CSGALNACT2: variants seen among roughly 807,000 people sequenced by gnomAD.
CSGALNACT2 encodes the protein beta 4 GalNAcT-2.
Under a neutral mutation model 55.3 loss-of-function variants are expected in CSGALNACT2, and 35 were observed. The observed-to-expected ratio is 0.63, with a 90% CI of 0.48 to 0.84. The LOEUF (loss-of-function observed/expected upper bound fraction) is 0.84. Among genes scored for constraint, CSGALNACT2 ranks in the 40% least tolerant of loss-of-function variants. The probability of loss-of-function intolerance (pLI) is 0.00; values close to 1 mark genes in which losing one functional copy is unlikely to be tolerated. For missense variants in CSGALNACT2, 544 were observed against 657.5 expected (o/e 0.83, Z 1.89); for synonymous variants, 196 against 224.9 (o/e 0.87, Z 1.15).
In CSGALNACT2 at chr10:43,155,249, T is replaced by C. The variant is rs549097243; in HGVS notation, c.100T>C (p.Cys34Arg). 8.1e-6 allele frequency: 13 copies of C among 1,614,174 alleles called. No homozygotes were observed. In the African/African-American group the frequency reaches 1.6e-4, roughly 20 times the overall value. ...SLVLFMYLLE[C>R]APQTDGNASL... is the part of the protein sequence containing the mutation. ...GGTATTATTTATGTACCTCCTGGAA[T>C]GTGCCCCCCAGACTGATGGAAATGC... The change falls in exon 2 of 8, where the codon TGT becomes CGT. Residue 34 changes from cysteine to arginine, a missense_variant. Transcript: ENST00000374466.
intron 1 of CSGALNACT2, among the ~76,000 whole-genome samples, chr10:43,142,708 T>C (rs1476408856): frequency 6.6e-6 from 1 of 152,210 alleles, no homozygotes; most frequent in African/African-American, 2.4e-5. Context: ...GATTCCTGGT[T>C]TAGAGGTCAG....
At chr10:43,163,127 G>T in intron 4 of CSGALNACT2, 1 of 985,276 alleles carries the variant, frequency 1.0e-6, no homozygotes, top group Non-Finnish European at 1.2e-6. Context: ...TATTTTGAAT[G>T]ACCTTTACAC....
intron 3 of CSGALNACT2, 70 bp downstream of exon 3, chr10:43,159,001 A>T (rs2133120056): frequency 1.2e-6 from 1 of 861,666 alleles, no homozygotes; most frequent in South Asian, 1.5e-5. Flanking sequence ...AGATTTCCTT[A>T]ATTTATCTTC....
chr10:43,140,755 G>A (rs1838603536), intron 1 of CSGALNACT2, among the ~76,000 whole-genome samples: 1 of 152,254 alleles, frequency 6.6e-6, no homozygotes, highest in South Asian at 2.1e-4. Context: ...CTAGGTATAA[G>A]TGTAAAATTG....
chr10:43,139,125 C>G (rs1399278205), intron 1 of CSGALNACT2, among the ~76,000 whole-genome samples: 1 of 152,202 alleles, frequency 6.6e-6, no homozygotes, highest in Non-Finnish European at 1.5e-5. Flanking sequence ...TGAAGCTTCT[C>G]TTCCTGAGTC....
At position 43,163,902 on chromosome 10, in the gene CSGALNACT2, G is replaced by T; in HGVS notation, c.1017G>T (p.Leu339Phe). The T allele has an allele frequency of 6.2e-7, 1 of 1,614,102 alleles. No individual in the cohort carries two copies. Among genetic ancestry groups the T allele is most frequent in the Middle Eastern group, 1.7e-4 (1 of 6,060 alleles). ...TTCACAATTACACCTTGGTCTCATT[G>T]AATGAAGAATTTAATCGTGGACGAG... is the stretch of plus-strand genomic sequence containing the variant. ...SNFHNYTLVS[L>F]NEEFNRGRGL... The change falls in exon 5 of 8, where the codon TTG (leucine) becomes TTT (phenylalanine). Residue 339 changes from leucine to phenylalanine, a missense_variant. By Grantham distance (22) the Leu-to-Phe change is conservative (BLOSUM62 0). This residue lies in a region of CSGALNACT2 where 374 missense variants were observed against 401.3 expected (regional missense o/e 0.93). Transcript: ENST00000374466.
intron 1 of CSGALNACT2, among the ~76,000 whole-genome samples, chr10:43,143,501 G>A (rs372737993): frequency 7.7e-6 from 1 of 130,702 alleles, no homozygotes; most frequent in Non-Finnish European, 1.7e-5. Flanking sequence ...AAATGTGTGT[G>A]TGTGTGTGTG....
intron 1 of CSGALNACT2, among the ~76,000 whole-genome samples, chr10:43,148,465 G>T (rs1838807344): frequency 6.6e-6 from 1 of 152,154 alleles, no homozygotes; most frequent in Non-Finnish European, 1.5e-5. Context: ...TGTTTAATCT[G>T]TACATTAATT....
chr10:43,175,884 A>T (rs1839470436), intron 6 of CSGALNACT2, 67 bp from the exon 7 acceptor site: 1 of 1,365,212 alleles, frequency 7.3e-7, no homozygotes, highest in Admixed American at 2.0e-5. Context: ...AATTTGTTTC[A>T]TCGTTGATTA....
intron 1 of CSGALNACT2, among the ~76,000 whole-genome samples, chr10:43,147,589 G>T (rs571712774): frequency 8.6e-4 from 131 of 152,066 alleles, no homozygotes; most frequent in African/African-American, 2.8e-3. Flanking sequence ...CTTGCTTTTG[G>T]TTTTTTTCCA....
intron 1 of CSGALNACT2, among the ~76,000 whole-genome samples, chr10:43,140,348 T>G (rs1312288325): frequency 6.6e-6 from 1 of 152,052 alleles, no homozygotes; most frequent in Non-Finnish European, 1.5e-5. Context: ...GGCAGAAAAT[T>G]TAACCAACAT....
Position 43,155,765 on chromosome 10 carries a change from C to G in CSGALNACT2, c.616C>G (p.Pro206Ala). The change falls in exon 2 of 8, where the codon CCC becomes GCC. Residue 206 changes from proline (P) to alanine (A), a missense_variant. Pro to Ala is a conservative substitution (Grantham distance 27). This residue lies in a region of CSGALNACT2 where 374 missense variants were observed against 401.3 expected (regional missense o/e 0.93). Coordinates refer to ENST00000374466, the MANE Select transcript of CSGALNACT2 (RefSeq NM_018590.5). ...TGATGAACAAGAAGATGAGGAGGGT[C>G]CCCTTGGAGAGAAACTGATATTTAA... ...EDDEQEDEEG[P>A]LGEKLIFNEN... The G allele has an allele frequency of 6.2e-7, 1 of 1,612,204 alleles. No homozygotes were observed. Among genetic ancestry groups the G allele is most frequent in the Non-Finnish European group, 8.5e-7 (1 of 1,179,342 alleles).
intron 7 of CSGALNACT2, among the ~76,000 whole-genome samples, chr10:43,179,248 G>A (rs1409229090): frequency 2.8e-5 from 4 of 145,338 alleles, no homozygotes; most frequent in African/African-American, 7.6e-5. Flanking sequence ...GTTGCTTGCC[G>A]GTTTTTTTTT....
chr10:43,165,325 T>TC (rs1458135729), intron 5 of CSGALNACT2, among the ~76,000 whole-genome samples: 1 of 152,130 alleles, frequency 6.6e-6, no homozygotes, highest in Non-Finnish European at 1.5e-5. Context: ...ATTGTATACT[T>TC]ACAAATTGCT....
chr10:43,143,493 A>ATGTGTGTGTG (rs3983257), intron 1 of CSGALNACT2, among the ~76,000 whole-genome samples: 77 of 141,972 alleles, frequency 5.4e-4, no homozygotes, highest in East Asian at 1.0e-3. Context: ...CTCTCCAAAA[A>ATGTGTGTGTG]TGTGTGTGTG....
chr10:43,172,151 G>A (rs556384674), intron 6 of CSGALNACT2, among the ~76,000 whole-genome samples: 1 of 152,218 alleles, frequency 6.6e-6, no homozygotes, highest in African/African-American at 2.4e-5. Context: ...GGAAGTAATC[G>A]AGCTACATGA....
At chr10:43,159,642 A>G (rs183729320) in intron 3 of CSGALNACT2, among the ~76,000 whole-genome samples, 42 of 152,356 alleles carry the variant, frequency 2.8e-4, no homozygotes, top group Non-Finnish European at 5.1e-4. Flanking sequence ...TACAAACATT[A>G]AACTAAAAAT....
intron 5 of CSGALNACT2, among the ~76,000 whole-genome samples, chr10:43,164,989 C>T (rs926008877): frequency 3.3e-5 from 5 of 150,624 alleles, no homozygotes; most frequent in African/African-American, 9.8e-5. Flanking sequence ...TTTGGGAGGC[C>T]GAGGCGGGCG....
Position 43,163,585 on chromosome 10 carries a change from C to T in CSGALNACT2, c.981-281C>T, listed in dbSNP as rs1289813027. On this transcript the variant is annotated intron_variant, in intron 4 of 7. Coordinates refer to ENST00000374466, the MANE Select transcript of CSGALNACT2 (RefSeq NM_018590.5). ...GCTATTTTTCCATTTGTGTATTTTT[C>T]AACTCCCCAAAAGGTGTTTAAGATT... 19 of 985,202 alleles carry T rather than the reference C, an allele frequency of 1.9e-5. No individual in the cohort carries two copies. The East Asian group carries it at 4.5e-4, about 23-fold the overall frequency. The allele number at this position is 985,202 out of a possible 1,614,324, so 61.0% of individuals were successfully genotyped here.
Sources: allele counts gnomAD v4.1 joint callset (sites outside exome capture counted in the v4.1 genomes callset), GRCh38; gene constraint gnomAD v4.1.1; regional missense constraint gnomAD v4.1.1; transcripts MANE v1.5; gene names NCBI Gene and HGNC (gene_info 2026-07-23, HGNC 2026-07-21).